CAMTA1: variants seen among roughly 807,000 people sequenced by gnomAD.
The protein encoded by CAMTA1 is calmodulin binding transcription activator 1.
Under a neutral mutation model 170.9 loss-of-function variants are expected in CAMTA1, and 27 were observed. That is an observed-to-expected ratio of 0.16 (90% CI 0.12 to 0.22). The LOEUF (loss-of-function observed/expected upper bound fraction) is 0.22. CAMTA1 is among the 10% of genes least tolerant of loss of function. The probability of loss-of-function intolerance (pLI) is 1.00; values close to 1 mark genes in which losing one functional copy is unlikely to be tolerated. For missense variants in CAMTA1, 1,619 were observed against 2,217.2 expected (o/e 0.73, Z 5.42); for synonymous variants, 833 against 891.5 (o/e 0.93, Z 1.17).
At chr1:7,499,150 ATATGAG>A (rs1233110391) in intron 6 of CAMTA1, among the ~76,000 whole-genome samples, 8 of 102,866 alleles carry the variant, frequency 7.8e-5, no homozygotes, top group African/African-American at 3.1e-4. Context: ...GTGTGTACGT[ATATGAG>A]TGTGTGTGTG....
At chr1:7,644,805 C>T (rs1467673804) in intron 7 of CAMTA1, among the ~76,000 whole-genome samples, 1 of 151,236 alleles carries the variant, frequency 6.6e-6, no homozygotes, top group Non-Finnish European at 1.5e-5. Flanking sequence ...GTAGTTCCAT[C>T]CTAACGTACT....
chr1:7,078,415 G>A (rs758830333), intron 3 of CAMTA1, among the ~76,000 whole-genome samples: 39 of 152,248 alleles, frequency 2.6e-4, no homozygotes, highest in African/African-American at 3.4e-4. Context: ...GTATTGAGTC[G>A]TCTTCAGACA....
intron 5 of CAMTA1, among the ~76,000 whole-genome samples, chr1:7,466,578 G>A (rs2093215997): frequency 6.6e-6 from 1 of 152,190 alleles, no homozygotes; most frequent in Non-Finnish European, 1.5e-5. Context: ...ATTTCTCTCT[G>A]GAGAGCTGGT....
chr1:7,049,123 C>T (rs1054501598), intron 3 of CAMTA1, among the ~76,000 whole-genome samples: 1 of 152,188 alleles, frequency 6.6e-6, no homozygotes, highest in Non-Finnish European at 1.5e-5. Flanking sequence ...CTCCGGACTG[C>T]GAGCTCAGCT....
intron 5 of CAMTA1, among the ~76,000 whole-genome samples, chr1:7,396,212 C>T (rs1293025330): frequency 1.3e-5 from 2 of 152,172 alleles, no homozygotes; most frequent in Admixed American, 1.3e-4. Context: ...GAGCCTGGCA[C>T]ATTCCCTCAC....
intron 11 of CAMTA1, among the ~76,000 whole-genome samples, chr1:7,711,776 G>A (rs1179815266): frequency 3.3e-5 from 5 of 152,134 alleles, no homozygotes; most frequent in Non-Finnish European, 7.3e-5. Context: ...TGCCCCTGGC[G>A]CGCGTGTGTA....
At chr1:7,109,601 C>T (rs1463861762) in intron 4 of CAMTA1, among the ~76,000 whole-genome samples, 1 of 152,196 alleles carries the variant, frequency 6.6e-6, no homozygotes, top group Non-Finnish European at 1.5e-5. Context: ...ACAGACACGA[C>T]TCATTGATCA....
At chr1:6,807,485 C>T (rs999740428) in intron 1 of CAMTA1, among the ~76,000 whole-genome samples, 25 of 152,060 alleles carry the variant, frequency 1.6e-4, no homozygotes, top group Non-Finnish European at 1.5e-5. Flanking sequence ...CTTTGGGAGG[C>T]CGAGGCGGGT....
At chr1:6,920,711 C>A (rs1292733230) in intron 3 of CAMTA1, among the ~76,000 whole-genome samples, 2 of 152,242 alleles carry the variant, frequency 1.3e-5, no homozygotes, top group African/African-American at 4.8e-5. Flanking sequence ...TTCTTGACTT[C>A]TCTGCACCTG....
In CAMTA1 at chr1:7,064,626, A is replaced by G. The variant is rs1001482671; in HGVS notation, c.235-26678A>G. Among the ~76,000 whole-genome samples, 1 of 151,798 alleles carries G rather than the reference A, an allele frequency of 6.6e-6. No individual in the cohort carries two copies. The highest frequency in any genetic ancestry group is 1.9e-4 in the East Asian group (1 of 5,156). ...GCCAGTGGAGGGCCAGGAAAGGAGG[A>G]TTTTGGGTGAAGAGAACGGCTACAG... On this transcript the variant is annotated intron_variant, in intron 3 of 22. Transcript: ENST00000303635. The surrounding 1 kb of genome is among the most constrained non-coding windows in gnomAD (Gnocchi z 5.4).
chr1:7,184,054 A>G (rs914007828), intron 4 of CAMTA1, among the ~76,000 whole-genome samples: 2 of 152,234 alleles, frequency 1.3e-5, no homozygotes, highest in African/African-American at 2.4e-5. Flanking sequence ...CAGCCATAAG[A>G]AGAGTGAGAT....
At chr1:7,103,985 CAAG>C (rs1340321795) in intron 4 of CAMTA1, among the ~76,000 whole-genome samples, 1 of 151,274 alleles carries the variant, frequency 6.6e-6, no homozygotes, top group South Asian at 2.1e-4. Flanking sequence ...ACACAACACA[CAAG>C]TACACACATG....
chr1:7,474,988 G>A (rs919140446), intron 6 of CAMTA1, among the ~76,000 whole-genome samples: 6 of 152,174 alleles, frequency 3.9e-5, no homozygotes, highest in Non-Finnish European at 5.9e-5. Context: ...GTATGGCCGC[G>A]CTCGCCCCTC....
chr1:7,199,513 G>A (rs577396663), intron 4 of CAMTA1, among the ~76,000 whole-genome samples: 2 of 152,310 alleles, frequency 1.3e-5, no homozygotes, highest in South Asian at 2.1e-4. Context: ...TCCTGTGCCT[G>A]GTGCACAACC....
intron 6 of CAMTA1, among the ~76,000 whole-genome samples, chr1:7,589,682 G>T (rs564833875): frequency 1.3e-5 from 2 of 152,306 alleles, no homozygotes; most frequent in South Asian, 2.1e-4. Flanking sequence ...CTCTACTCTA[G>T]TGATATTGAC....
chr1:7,523,101 A>G (rs2094387171), intron 6 of CAMTA1, among the ~76,000 whole-genome samples: 2 of 152,344 alleles, frequency 1.3e-5, no homozygotes, highest in Middle Eastern at 6.8e-3. Context: ...TCCTGACCTC[A>G]GGTAATCTGC....
chr1:6,789,503 C>G (rs1171074544), intron 1 of CAMTA1, among the ~76,000 whole-genome samples: 1 of 152,082 alleles, frequency 6.6e-6, no homozygotes, highest in Non-Finnish European at 1.5e-5. Context: ...GGGGAAATAC[C>G]CCTTTGTGTG....
At chr1:6,906,114 G>C (rs1324689343) in intron 3 of CAMTA1, among the ~76,000 whole-genome samples, 3 of 152,164 alleles carry the variant, frequency 2.0e-5, no homozygotes, top group African/African-American at 4.8e-5. Flanking sequence ...AGCGACTGCT[G>C]TTTTATCTGG....
chr1:7,272,060 G>A (rs1239495701), intron 5 of CAMTA1, among the ~76,000 whole-genome samples: 1 of 152,056 alleles, frequency 6.6e-6, no homozygotes, highest in African/African-American at 2.4e-5. Flanking sequence ...GAAAATAGAA[G>A]AGGAGGGAAC....
Sources: allele counts gnomAD v4.1 joint callset (sites outside exome capture counted in the v4.1 genomes callset), GRCh38; gene constraint gnomAD v4.1.1; non-coding constraint Gnocchi (gnomAD v3.1); transcripts MANE v1.5; gene names NCBI Gene and HGNC (gene_info 2026-07-23, HGNC 2026-07-21).